ABCB7: variants seen among roughly 807,000 people sequenced by gnomAD.
ABCB7 encodes the protein iron-sulfur clusters transporter ABCB7, mitochondrial.
In ABCB7, 7 loss-of-function variants were observed where a neutral mutation model predicts 54.4. The ratio of observed to expected loss-of-function variants is 0.13; its 90% CI spans 0.07 to 0.24. The LOEUF (loss-of-function observed/expected upper bound fraction) is 0.24, where lower values mean the gene tolerates loss of function less well. ABCB7 is among the 10% of genes least tolerant of loss of function. The pLI is 1.00. For missense variants in ABCB7, 356 were observed against 570.4 expected, an observed-to-expected ratio of 0.62 and a Z score of 3.83; for synonymous variants, 218 against 207.1, an observed-to-expected ratio of 1.05 and a Z score of -0.45.
chrX:75,108,108 C>T (rs113428121), intron 3 of ABCB7, among the ~76,000 whole-genome samples: 8,073 of 110,850 alleles, frequency 0.073, 302 homozygotes, highest in Admixed American at 0.12. Flanking sequence ...AGTGAGGCTC[C>T]TCTGATTTTG....
intron 4 of ABCB7, among the ~76,000 whole-genome samples, chrX:75,083,913 G>T (rs1602354092): frequency 9.0e-6 from 1 of 111,078 alleles, no homozygotes; most frequent in Non-Finnish European, 1.9e-5. Flanking sequence ...AATGAACTTT[G>T]CAGATGTGGT....
Position 75,088,379 on chromosome X carries a change from G to T in ABCB7, c.453+10563C>A, listed in dbSNP as rs140376647. 3.6e-4 allele frequency among the ~76,000 whole-genome samples: 41 copies of T among 112,487 alleles called. No individual in the cohort carries two copies. The East Asian group carries it at 9.3e-3, about 25-fold the overall frequency. The stretch of plus-strand genomic sequence containing the variant: ...AGAGATTTTAGAATTATCAGACCAG[G>T]AATTTAAAATGCCAAAGGCTCTAAT... On this transcript the variant is annotated intron_variant, in intron 4 of 15. Transcript: ENST00000373394.
In ABCB7 at chrX:75,137,212, C is replaced by T. The variant is rs1265471192; in HGVS notation, c.168+18893G>A. 1.3e-4 allele frequency among the ~76,000 whole-genome samples: 15 copies of T among 111,863 alleles called. No individual in the cohort carries two copies. The South Asian group carries it at 3.3e-3, about 25-fold the overall frequency. ...AAACCAACCAACCCCATTAAAAATG[C>T]GCAAAGGACATGAACAGACACTTCT... On this transcript the variant is annotated intron_variant, in intron 1 of 15. Coordinates refer to ENST00000373394, the MANE Select transcript of ABCB7 (RefSeq NM_001271696.3).
At chrX:75,062,176 C>A in intron 14 of ABCB7, 152 bp downstream of exon 14, 1 of 483,909 alleles carries the variant, frequency 2.1e-6, no homozygotes, top group Non-Finnish European at 3.6e-6. Context: ...ACCATCAACA[C>A]TTGCCATATG....
At chrX:75,140,109 C>T (rs1363343868) in intron 1 of ABCB7, among the ~76,000 whole-genome samples, 4 of 111,604 alleles carry the variant, frequency 3.6e-5, no homozygotes, top group African/African-American at 1.3e-4. Flanking sequence ...ATAGAAATCT[C>T]TACAGGATTT....
chrX:75,117,680 A>G (rs1405873983), intron 1 of ABCB7, among the ~76,000 whole-genome samples: 1 of 111,394 alleles, frequency 9.0e-6, no homozygotes, highest in Non-Finnish European at 1.9e-5. Flanking sequence ...ATGGCTATGG[A>G]TGACAGGATT....
At chrX:75,077,586 A>G (rs945839807) in intron 4 of ABCB7, among the ~76,000 whole-genome samples, 1 of 111,926 alleles carries the variant, frequency 8.9e-6, no homozygotes, top group Non-Finnish European at 1.9e-5. Context: ...CTGAAATCCC[A>G]GATCTTGTTA....
chrX:75,119,763 C>T (rs2081858573), intron 1 of ABCB7, among the ~76,000 whole-genome samples: 5 of 111,511 alleles, frequency 4.5e-5, no homozygotes, highest in South Asian at 7.5e-4. Context: ...GCTATAACTT[C>T]GTGTATGTTA....
chrX:75,085,638 C>T (rs373520654), intron 4 of ABCB7, among the ~76,000 whole-genome samples: 1 of 110,546 alleles, frequency 9.0e-6, no homozygotes, highest in Non-Finnish European at 1.9e-5. Context: ...ACCACAGACC[C>T]GGCTCCCTGG....
At chrX:75,067,449 G>A (rs1046502150) in intron 12 of ABCB7, among the ~76,000 whole-genome samples, 1 of 111,438 alleles carries the variant, frequency 9.0e-6, no homozygotes, top group Non-Finnish European at 1.9e-5. Flanking sequence ...CAGTTCACTT[G>A]ACACACAGTT....
chrX:75,115,283 AAAAAAAAAAAAAAAAAT>A (rs2081802786), intron 1 of ABCB7, among the ~76,000 whole-genome samples: 1 of 104,096 alleles, frequency 9.6e-6, no homozygotes, highest in Non-Finnish European at 2.0e-5. Flanking sequence ...AAAAAAAAAA[AAAAAAAAAAAAAAAAAT>A]GACAAAAATA....
chrX:75,129,621 A>ATT (rs2081961019), intron 1 of ABCB7, among the ~76,000 whole-genome samples: 1 of 107,015 alleles, frequency 9.3e-6, no homozygotes, highest in Non-Finnish European at 1.9e-5. Flanking sequence ...ATATATATAT[A>ATT]TTTTGACTAC....
intron 1 of ABCB7, among the ~76,000 whole-genome samples, chrX:75,129,226 C>T (rs762957273): frequency 5.4e-5 from 6 of 111,674 alleles, no homozygotes; most frequent in East Asian, 5.6e-4. Flanking sequence ...ACTGGATAAA[C>T]AAAATGTAGC....
chrX:75,088,825 G>GA (rs1374860186), intron 4 of ABCB7, among the ~76,000 whole-genome samples: 8 of 79,592 alleles, frequency 1.0e-4, no homozygotes, highest in African/African-American at 1.8e-4. Context: ...ACACCACGTA[G>GA]AAAAAACAAA....
chrX:75,070,029 C>A (rs891761203), intron 10 of ABCB7, among the ~76,000 whole-genome samples: 1 of 110,541 alleles, frequency 9.0e-6, no homozygotes, highest in Non-Finnish European at 1.9e-5. Context: ...CATGTGCCAT[C>A]ACGCCCAGCT....
chrX:75,065,796 T>G (rs1025826340), intron 12 of ABCB7, among the ~76,000 whole-genome samples: 1 of 111,485 alleles, frequency 9.0e-6, no homozygotes, highest in Admixed American at 9.6e-5. Flanking sequence ...CATACTTTTA[T>G]CCTTTGATAT....
At chrX:75,127,420 G>T (rs1408259194) in intron 1 of ABCB7, among the ~76,000 whole-genome samples, 1 of 111,524 alleles carries the variant, frequency 9.0e-6, no homozygotes, top group Admixed American at 9.5e-5. Flanking sequence ...AAAATAATAA[G>T]AACTATTTAT....
At chrX:75,061,945 T>G in intron 14 of ABCB7, among the ~76,000 whole-genome samples, 1 of 112,401 alleles carries the variant, frequency 8.9e-6, no homozygotes, top group Non-Finnish European at 1.9e-5. Context: ...GTCACAGGTT[T>G]CACAATCACT....
chrX:75,075,500 A>G lies in ABCB7; in HGVS notation c.717T>C (p.Gly239=). 2 of 1,210,967 alleles carry G rather than the reference A, an allele frequency of 1.7e-6. No homozygotes were observed. Among genetic ancestry groups the G allele is most frequent in the Non-Finnish European group, 2.2e-6 (2 of 895,262 alleles). Residue 239 remains glycine (G), a synonymous_variant, in exon 6 of 16, where the codon GGT becomes GGC. Transcript: ENST00000373394. ...CTCCCGTCTGTCTGCTCAGGTGAAAACCCAGATCCAGGTTGTGAAGATGGA... is the reference window on the plus strand; with the variant it reads ...CTCCCGTCTGTCTGCTCAGGTGAAAGCCCAGATCCAGGTTGTGAAGATGGA... ...VFLHLHNLDL[G]FHLSRQTGAL...
Sources: gnomAD v4.1 joint callset for allele counts (sites outside exome capture counted in the v4.1 genomes callset) on GRCh38, gnomAD v4.1.1 for gene constraint, MANE v1.5 for transcripts, NCBI Gene and HGNC (gene_info 2026-07-23, HGNC 2026-07-21) for gene names.